SEC14L1: variants seen among roughly 807,000 people sequenced by gnomAD.
SEC14L1 encodes the protein SEC14-like protein 1.
In SEC14L1, 48 loss-of-function variants were observed where a neutral mutation model predicts 85.3. The observed-to-expected ratio is 0.56, with a 90% CI of 0.45 to 0.72. The LOEUF (loss-of-function observed/expected upper bound fraction) is 0.72. SEC14L1 is among the 30% of genes least tolerant of loss of function. The probability of loss-of-function intolerance (pLI) is 0.00; values close to 1 mark genes in which losing one functional copy is unlikely to be tolerated. For synonymous variants in SEC14L1, 391 were observed against 355.5 expected (o/e 1.10, Z -1.12); for missense variants, 682 against 921.4 (o/e 0.74, Z 3.36).
At chr17:77,142,790 G>C (rs989039018) in intron 2 of SEC14L1, 40 bp downstream of exon 2, 1 of 152,214 alleles carries the variant, frequency 6.6e-6, no homozygotes, top group African/African-American at 2.4e-5. Flanking sequence ...TTAAATAGGG[G>C]AGACAGAGGA....
intron 3 of SEC14L1, among the ~76,000 whole-genome samples, chr17:77,158,889 G>T (rs548982741): frequency 0.012 from 1,436 of 119,072 alleles, 29 homozygotes; most frequent in African/African-American, 0.043. Flanking sequence ...TCGACTCACT[G>T]CAACCTCCAC....
In SEC14L1 at chr17:77,215,734, C is replaced by CTAGTAGGTAGGGT. The variant is rs1250633046; in HGVS notation, c.*1724_*1736dup. ...AGCGCGGTAGGGTTCGTAGGTAGGG[C>CTAGTAGGTAGGGT]TAGTAGGTAGGGTTAGTAGGTAGGG... On this transcript the variant is annotated 3_prime_UTR_variant, in exon 17 of 17. Transcript: ENST00000436233. The CTAGTAGGTAGGGT allele has an allele frequency of 1.0e-6, 1 of 986,896 alleles. No homozygotes were observed. The highest frequency in any genetic ancestry group is 1.2e-6 in the Non-Finnish European group (1 of 830,906). The allele number at this position is 986,896 out of a possible 1,614,324, so 61.1% of individuals were successfully genotyped here. A position where few individuals can be genotyped will look rare whatever the true frequency, so the allele number is the denominator to read the frequency against.
intron 8 of SEC14L1, among the ~76,000 whole-genome samples, chr17:77,200,161 C>G (rs1976054514): frequency 6.6e-6 from 1 of 152,150 alleles, no homozygotes; most frequent in East Asian, 1.9e-4. Context: ...ATAAGAGTCC[C>G]TGTCTCCAAA....
At chr17:77,109,341 T>C (rs1239321079) in intron 3 of SEC14L1, among the ~76,000 whole-genome samples, 8 of 152,078 alleles carry the variant, frequency 5.3e-5, no homozygotes, top group African/African-American at 1.9e-4. Context: ...CAGCCTCACG[T>C]GATCCTCCTG....
chr17:77,187,856 C>T (rs1191816940), intron 3 of SEC14L1, among the ~76,000 whole-genome samples: 1 of 151,762 alleles, frequency 6.6e-6, no homozygotes, highest in Non-Finnish European at 1.5e-5. Context: ...GTGGTCCTCC[C>T]ATGTCAGCCT....
intron 3 of SEC14L1, chr17:77,143,923 G>T: frequency 3.0e-6 from 1 of 329,468 alleles, no homozygotes; most frequent in East Asian, 6.2e-5. Flanking sequence ...CACAGAAGTG[G>T]GATTCTAAGC....
At chr17:77,211,653 G>A (rs1164265698) in intron 14 of SEC14L1, 3 of 417,576 alleles carry the variant, frequency 7.2e-6, no homozygotes, top group African/African-American at 2.0e-5. Flanking sequence ...ACAGTGTTTG[G>A]TGTTTCTAAG....
intron 15 of SEC14L1, among the ~76,000 whole-genome samples, chr17:77,212,435 G>A (rs1976805032): frequency 6.6e-6 from 1 of 152,180 alleles, no homozygotes; most frequent in Non-Finnish European, 1.5e-5. Context: ...AAAGCAGCCT[G>A]TGACAGGAAG....
chr17:77,176,350 G>A (rs1426410569), intron 3 of SEC14L1, among the ~76,000 whole-genome samples: 4 of 152,078 alleles, frequency 2.6e-5, no homozygotes, highest in South Asian at 4.2e-4. Context: ...GGTGAAAGAC[G>A]GATCAATCAG....
intron 13 of SEC14L1, among the ~76,000 whole-genome samples, chr17:77,207,096 C>G (rs547565650): frequency 6.6e-6 from 1 of 152,316 alleles, no homozygotes; most frequent in East Asian, 1.9e-4. Flanking sequence ...TTCGTAGAAT[C>G]AAATACGATT....
Position 77,186,339 on chromosome 17 carries a change from C to T in SEC14L1, c.64-4464C>T, listed in dbSNP as rs191508913. On this transcript the variant is annotated intron_variant, in intron 3 of 16. Transcript: ENST00000436233. ...GCACTCCTGAGTTCTTTCCTGGAAA[C>T]GCTCTCCGCCTCGCTGGCTGTGAAC... Among the ~76,000 whole-genome samples the T allele has an allele frequency of 8.5e-5, 13 of 152,334 alleles. No homozygotes were observed. The East Asian group carries it at 1.9e-3, about 23-fold the overall frequency.
rs752915082 is a variant in SEC14L1, at chr17:77,206,880, G to A, written c.1476+18G>A. 4 of 1,517,618 alleles carry A rather than the reference G, an allele frequency of 2.6e-6. No individual in the cohort carries two copies. Among genetic ancestry groups the A allele is most frequent in the Non-Finnish European group, 3.5e-6 (4 of 1,132,922 alleles). 94.0% of individuals were successfully genotyped at this position (1,517,618 alleles called of 1,614,324 possible). A position where few individuals can be genotyped will look rare whatever the true frequency, so the allele number is the denominator to read the frequency against. ...AGTGCATGGTATGTCCTGAGGCGAG[G>A]AACTGCACATTTGGCCCCTTATGCA... On this transcript the variant is annotated intron_variant, in intron 13 of 16. Coordinates refer to ENST00000436233, the MANE Select transcript of SEC14L1 (RefSeq NM_001143998.2). This position sits in a 1 kb window ranked among gnomAD's most constrained non-coding sequence, Gnocchi z 4.3.
At chr17:77,117,364 C>T (rs1383201205) in intron 3 of SEC14L1, among the ~76,000 whole-genome samples, 1 of 151,936 alleles carries the variant, frequency 6.6e-6, no homozygotes, top group African/African-American at 2.4e-5. Context: ...CAGAACAAAA[C>T]AAAACAAAAA....
chr17:77,156,851 C>T (rs77929614), intron 3 of SEC14L1, among the ~76,000 whole-genome samples: 1,555 of 152,244 alleles, frequency 0.01, 15 homozygotes, highest in Non-Finnish European at 0.014. Context: ...CTCTAGTTGC[C>T]TGAAAAGCGT....
chr17:77,097,541 C>T (rs536969258), intron 3 of SEC14L1, among the ~76,000 whole-genome samples: 3 of 146,210 alleles, frequency 2.1e-5, no homozygotes, highest in South Asian at 2.1e-4. Context: ...TCCAGCCTGG[C>T]GACAGAGCAA....
At chr17:77,107,028 C>T (rs1156675456) in intron 3 of SEC14L1, among the ~76,000 whole-genome samples, 1 of 152,198 alleles carries the variant, frequency 6.6e-6, no homozygotes, top group Non-Finnish European at 1.5e-5. Flanking sequence ...ACACATCCCC[C>T]ATGGGGTGTA....
At chr17:77,136,029 C>T (rs1382849577), upstream of SEC14L1, among the ~76,000 whole-genome samples, 6 of 149,054 alleles carry the variant, frequency 4.0e-5, no homozygotes, top group Admixed American at 3.4e-4. Flanking sequence ...CCAGCCACCA[C>T]GCCCGGCTAA....
Position 77,127,558 on chromosome 17 carries a change from C to A in SEC14L1, c.-135-15088C>A, listed in dbSNP as rs1056595117. Among the ~76,000 whole-genome samples, 5 of 151,970 alleles carry A rather than the reference C, an allele frequency of 3.3e-5. 1 individual carries two copies. Among genetic ancestry groups the A allele is most frequent in the African/African-American group, 1.2e-4 (5 of 41,348 alleles). ...AGAAATGGGGTTTCACCATGTTGGC[C>A]AGGCTGGTCTCGAACTTCCGACCAC... On this transcript the variant is annotated intron_variant, in intron 3 of 19. Coordinates refer to the SEC14L1 transcript ENST00000392476.
At chr17:77,149,798 G>T (rs947268150) in intron 3 of SEC14L1, among the ~76,000 whole-genome samples, 5 of 151,248 alleles carry the variant, frequency 3.3e-5, no homozygotes, top group African/African-American at 1.2e-4. Flanking sequence ...TGGTCTTTCA[G>T]TTAACCAGTG....
Sources: gnomAD v4.1 joint callset for allele counts (sites outside exome capture counted in the v4.1 genomes callset) on GRCh38, gnomAD v4.1.1 for gene constraint, Gnocchi (gnomAD v3.1) non-coding constraint, MANE v1.5 for transcripts, NCBI Gene and HGNC (gene_info 2026-07-23, HGNC 2026-07-21) for gene names.